The following DENND1B variants were observed in gnomAD, a reference collection of about 807,000 sequenced individuals.
The protein encoded by DENND1B is DENN domain-containing protein 1B.
DENND1B carries 59 observed loss-of-function variants against 90.1 expected under a neutral mutation model. The observed-to-expected ratio is 0.65, with a 90% CI of 0.53 to 0.81. DENND1B has a LOEUF of 0.81. DENND1B is among the 40% of genes least tolerant of loss of function. The pLI is 0.00. For synonymous variants in DENND1B, 337 were observed against 324.6 expected, an observed-to-expected ratio of 1.04 and a Z score of -0.41; for missense variants, 862 against 912.6, an observed-to-expected ratio of 0.94 and a Z score of 0.71.
At chr1:197,743,653 T>C (rs1385394430) in intron 2 of DENND1B, among the ~76,000 whole-genome samples, 1 of 152,208 alleles carries the variant, frequency 6.6e-6, no homozygotes, top group Non-Finnish European at 1.5e-5. Context: ...TGTGGTTTGA[T>C]AGCATTTTAT....
intron 3 of DENND1B, among the ~76,000 whole-genome samples, chr1:197,703,925 T>C (rs760603452): frequency 2.6e-5 from 4 of 152,166 alleles, no homozygotes; most frequent in East Asian, 1.9e-4. Flanking sequence ...CTCTCTTCTT[T>C]AGTTTTCTCC....
chr1:197,668,765 T>C (rs555989164), intron 5 of DENND1B, among the ~76,000 whole-genome samples: 2 of 152,148 alleles, frequency 1.3e-5, no homozygotes, highest in African/African-American at 4.8e-5. Flanking sequence ...GAAATAATCC[T>C]GGATTTAAAT....
At chr1:197,673,149 A>T (rs1328505578) in intron 4 of DENND1B, among the ~76,000 whole-genome samples, 1 of 151,992 alleles carries the variant, frequency 6.6e-6, no homozygotes, top group African/African-American at 2.4e-5. Flanking sequence ...ACACTTTAAT[A>T]AACTTAAAAT....
chr1:197,598,029 G>T (rs1363893804), intron 13 of DENND1B, among the ~76,000 whole-genome samples: 1 of 151,664 alleles, frequency 6.6e-6, no homozygotes, highest in East Asian at 1.9e-4. Context: ...ATTTAATGTG[G>T]CTACAAGAAA....
Position 197,715,041 on chromosome 1 carries a change from A to C in DENND1B, c.116T>G (p.Phe39Cys), listed in dbSNP as rs1660512389. The change falls in exon 3 of 23, where the codon TTT (phenylalanine) becomes TGT (cysteine). Residue 39 changes from phenylalanine to cysteine, a missense_variant. Transcript: ENST00000620048. Reference sequence around the variant, plus strand: ...TTATGTGGTACCAACCTGGTCTCCAAAGTCCTCTGGGAATTTCCACAATAC... The same window carrying C: ...TTATGTGGTACCAACCTGGTCTCCACAGTCCTCTGGGAATTTCCACAATAC... ...PVVLWKFPED[F>C]GDQEILQSVP... 1.2e-6 allele frequency: 2 copies of C among 1,611,296 alleles called. No individual in the cohort carries two copies. Among genetic ancestry groups the C allele is most frequent in the African/African-American group, 1.3e-5 (1 of 74,864 alleles).
intron 3 of DENND1B, among the ~76,000 whole-genome samples, chr1:197,695,262 T>A (rs1448200813): frequency 6.6e-6 from 1 of 151,072 alleles, no homozygotes; most frequent in East Asian, 1.9e-4. Context: ...CTTATAATGT[T>A]TCGTTCTGAT....
chr1:197,753,898 G>A (rs560259940), intron 2 of DENND1B, among the ~76,000 whole-genome samples: 25 of 152,094 alleles, frequency 1.6e-4, no homozygotes, highest in Admixed American at 4.6e-4. Context: ...TACTCAGGAG[G>A]CTGAGACAGA....
At chr1:197,652,421 AT>A in intron 6 of DENND1B, 106 bp from the exon 7 acceptor site, 1 of 790,866 alleles carries the variant, frequency 1.3e-6, no homozygotes, top group Non-Finnish European at 1.9e-6. Flanking sequence ...TATTAGACAT[AT>A]TTTATATAAA....
chr1:197,682,165 T>C (rs1656755954), intron 3 of DENND1B, among the ~76,000 whole-genome samples: 1 of 152,014 alleles, frequency 6.6e-6, no homozygotes, highest in Non-Finnish European at 1.5e-5. Flanking sequence ...TCTGAAAATA[T>C]ACCTTTAGCT....
intron 3 of DENND1B, among the ~76,000 whole-genome samples, chr1:197,681,589 C>T (rs1438419721): frequency 6.6e-6 from 1 of 152,160 alleles, no homozygotes; most frequent in Non-Finnish European, 1.5e-5. Flanking sequence ...GCTTTGTCTT[C>T]AGACTTTGTC....
chr1:197,721,065 A>T (rs1420044704), intron 2 of DENND1B, among the ~76,000 whole-genome samples: 12 of 98,964 alleles, frequency 1.2e-4, no homozygotes, highest in East Asian at 2.9e-4. Context: ...GAGAAACGGC[A>T]TTTTTTTTTT....
chr1:197,513,121 G>C (rs1668148229), intron 20 of DENND1B, among the ~76,000 whole-genome samples, 168 bp from the exon 21 acceptor site: 1 of 150,816 alleles, frequency 6.6e-6, no homozygotes, highest in Non-Finnish European at 1.5e-5. Context: ...AGGAAGAAAG[G>C]GAAGCAATAA....
rs549219815 is a variant in DENND1B, at chr1:197,753,480, G to T, written c.82+19388C>A. 2.4e-4 allele frequency among the ~76,000 whole-genome samples: 37 copies of T among 152,118 alleles called. 1 individual carries two copies. The highest frequency in any genetic ancestry group is 8.9e-4 in the African/African-American group (37 of 41,414). On this transcript the variant is annotated intron_variant, in intron 2 of 22. Coordinates refer to ENST00000620048, the MANE Select transcript of DENND1B (RefSeq NM_001195215.2). ...TTTGATACTATAATGGGGGATACGT[G>T]TCATTATACTTTTGTCAAACCCATA...
In DENND1B at chr1:197,642,594, C is replaced by T. The variant is rs76411838; in HGVS notation, c.672+117G>A. ...CCAGATTAAAACCATACATCAAAAA[C>T]GTATGTAGATATTGTCTTATAAGTA... On this transcript the variant is annotated intron_variant, in intron 10 of 22. Coordinates refer to ENST00000620048, the MANE Select transcript of DENND1B (RefSeq NM_001195215.2). The T allele has an allele frequency of 2.9e-3, 1,795 of 624,510 alleles. 24 individuals carry two copies. The highest frequency in any genetic ancestry group is 0.028 in the African/African-American group (1,479 of 53,664). The allele number at this position is 624,510 out of a possible 1,614,324, so 38.7% of individuals were successfully genotyped here.
At chr1:197,596,594 G>A (rs1175939467) in intron 13 of DENND1B, among the ~76,000 whole-genome samples, 4 of 151,620 alleles carry the variant, frequency 2.6e-5, no homozygotes, top group Admixed American at 6.6e-5. Context: ...AGGTATATAT[G>A]TGCATACATA....
chr1:197,624,090 G>C (rs920774357), intron 10 of DENND1B, among the ~76,000 whole-genome samples: 2 of 151,458 alleles, frequency 1.3e-5, no homozygotes, highest in Non-Finnish European at 3.0e-5. Flanking sequence ...AGTTTCTATC[G>C]AGAAGCAAAA....
At chr1:197,535,033 G>T (rs1484783219) in intron 20 of DENND1B, among the ~76,000 whole-genome samples, 1 of 152,164 alleles carries the variant, frequency 6.6e-6, no homozygotes, top group Non-Finnish European at 1.5e-5. Context: ...TGCAATATCA[G>T]ACTGCAAAGA....
intron 2 of DENND1B, among the ~76,000 whole-genome samples, chr1:197,772,417 G>T (rs1048050194): frequency 6.6e-6 from 1 of 152,168 alleles, no homozygotes; most frequent in Non-Finnish European, 1.5e-5. Context: ...AGCAACTTGA[G>T]ACACTCAATG....
At chr1:197,543,272 C>T (rs1372635754) in intron 18 of DENND1B, among the ~76,000 whole-genome samples, 2 of 151,964 alleles carry the variant, frequency 1.3e-5, no homozygotes, top group African/African-American at 4.8e-5. Context: ...ATTTTACTTC[C>T]TTGCAGAGAA....
Sources: allele counts gnomAD v4.1 joint callset (sites outside exome capture counted in the v4.1 genomes callset), GRCh38; gene constraint gnomAD v4.1.1; transcripts MANE v1.5; gene names NCBI Gene and HGNC (gene_info 2026-07-23, HGNC 2026-07-21).